The following NOTCH3 variants were observed in gnomAD, a reference collection of about 807,000 sequenced individuals.
The protein encoded by NOTCH3 is neurogenic locus notch homolog protein 3.
Under a neutral mutation model 213.3 loss-of-function variants are expected in NOTCH3, and 86 were observed. That is an observed-to-expected ratio of 0.40 (90% confidence interval 0.34 to 0.48). NOTCH3 has a LOEUF of 0.48. Ranked by LOEUF, NOTCH3 falls within the 20% of genes least tolerant of loss-of-function variation. The probability of loss-of-function intolerance (pLI) is 0.57; values close to 1 mark genes in which losing one functional copy is unlikely to be tolerated. For missense variants in NOTCH3, 2,783 were observed against 3,272.6 expected, an observed-to-expected ratio of 0.85 and a Z score of 3.65; for synonymous variants, 1,354 against 1,355.9, an observed-to-expected ratio of 1.00 and a Z score of 0.03.
intron 25 of NOTCH3, among the ~76,000 whole-genome samples, chr19:15,171,765 G>C (rs2046736818): frequency 6.6e-6 from 1 of 152,220 alleles, no homozygotes; most frequent in African/African-American, 2.4e-5. Context: ...CCGACTCCCT[G>C]GTTCAAGTGA....
intron 24 of NOTCH3, among the ~76,000 whole-genome samples, chr19:15,175,548 A>T (rs1275272550): frequency 1.7e-5 from 1 of 58,912 alleles, no homozygotes; most frequent in Non-Finnish European, 3.7e-5. Flanking sequence ...AAAAAAAAAA[A>T]AAAAATACAT....
intron 2 of NOTCH3, among the ~76,000 whole-genome samples, chr19:15,195,931 T>C (rs1030593531): frequency 8.5e-5 from 12 of 141,684 alleles, no homozygotes; most frequent in Non-Finnish European, 4.6e-5. Flanking sequence ...AGCGCAGACC[T>C]AGTTAGGGGG....
chr19:15,167,927 G>A (rs1162027233), intron 28 of NOTCH3, among the ~76,000 whole-genome samples: 1 of 145,846 alleles, frequency 6.9e-6, no homozygotes, highest in Non-Finnish European at 1.5e-5. Context: ...GTAATAAATG[G>A]CTTTAATTAT....
rs929970173 is a variant in NOTCH3, at chr19:15,167,185, G to T, written c.5362+64C>A. ...CAGTTCTCCCCAAAACACAGAGTCA[G>T]AAATAACCTCTCACAGGTAGGATGG... is the stretch of plus-strand genomic sequence containing the variant. On this transcript the variant is annotated intron_variant, in intron 29 of 32. Coordinates refer to ENST00000263388, the MANE Select transcript of NOTCH3 (RefSeq NM_000435.3). 29 of 1,558,866 alleles carry T rather than the reference G, an allele frequency of 1.9e-5. No homozygotes were observed. The Admixed American group carries it at 3.2e-4, about 17-fold the overall frequency.
chr19:15,177,071 TAAAAA>T (rs776950725), intron 24 of NOTCH3, among the ~76,000 whole-genome samples: 15 of 79,144 alleles, frequency 1.9e-4, no homozygotes, highest in East Asian at 9.3e-4. Flanking sequence ...GACTCCGTCT[TAAAAA>T]AAAAAAAAAA....
intron 26 of NOTCH3, 37 bp from the exon 27 acceptor site, chr19:15,170,590 G>A (rs1025152267): frequency 3.3e-5 from 52 of 1,593,984 alleles, no homozygotes; most frequent in Non-Finnish European, 4.1e-5. Context: ...CTTCAGCCGA[G>A]GGCGGGGCTT....
At chr19:15,173,459 A>G (rs1293201922) in intron 25 of NOTCH3, among the ~76,000 whole-genome samples, 2 of 134,456 alleles carry the variant, frequency 1.5e-5, no homozygotes, top group African/African-American at 5.5e-5. Flanking sequence ...GAGAGATGGG[A>G]GTCTTGCTAT....
In NOTCH3 at chr19:15,165,344, G is replaced by T. The variant is rs2046676721; in HGVS notation, c.5815+24C>A. The T allele has an allele frequency of 6.2e-7, 1 of 1,601,802 alleles. No homozygotes were observed. Among genetic ancestry groups the T allele is most frequent in the South Asian group, 1.1e-5 (1 of 91,068 alleles). On this transcript the variant is annotated intron_variant, in intron 31 of 32. Coordinates refer to ENST00000263388, the MANE Select transcript of NOTCH3 (RefSeq NM_000435.3). This position sits in a 1 kb window ranked among gnomAD's most constrained non-coding sequence, Gnocchi z 4.7. ...GCCCAGGTGACACCAACCCAGCTTA[G>T]ACTTGATTCCTCTGCCAACCTACCA...
In NOTCH3 at chr19:15,178,854, C is replaced by A. The variant is rs781401262; in HGVS notation, c.3806G>T (p.Gly1269Val). 1.4e-4 allele frequency: 224 copies of A among 1,602,954 alleles called. 1 individual carries two copies. The highest frequency in any genetic ancestry group is 1.8e-4 in the Non-Finnish European group (209 of 1,174,920). ...ACAGTGACAGGTGAAGGTCAGCCCA[C>A]CCCCAGGACCCGGGCTAGGACGGCA... The part of the protein sequence containing the change: ...GQCRPSPGPG[G>V]GLTFTCHCAQ... The change falls in exon 23 of 33, where the codon GGT becomes GTT. Residue 1269 changes from glycine (G) to valine (V), a missense_variant. Around this residue, in one of 6 missense-constraint regions of NOTCH3, gnomAD observed 861 missense variants for 909.1 expected, o/e 0.95. Coordinates refer to ENST00000263388, the MANE Select transcript of NOTCH3 (RefSeq NM_000435.3).
chr19:15,169,498 T>G (rs2046713318), intron 28 of NOTCH3, among the ~76,000 whole-genome samples: 1 of 152,040 alleles, frequency 6.6e-6, no homozygotes, highest in African/African-American at 2.4e-5. Flanking sequence ...GCCTCCCAAG[T>G]AGCTGGGATT....
At position 15,159,677 on chromosome 19, in the gene NOTCH3, GCTGTA is replaced by G; in HGVS notation, c.*980_*984del. On this transcript the variant is annotated 3_prime_UTR_variant, in exon 33 of 33. Coordinates refer to ENST00000263388, the MANE Select transcript of NOTCH3 (RefSeq NM_000435.3). ...TATTAGGTGGTGAGGGGAGTGGGGG[GCTGTA>G]CAATGCAGGGCTTGGGAATTCAGCT... The G allele has an allele frequency of 4.3e-6, 1 of 232,754 alleles. No homozygotes were observed. Among genetic ancestry groups the G allele is most frequent in the Non-Finnish European group, 8.5e-6 (1 of 117,722 alleles). 14.4% of individuals were successfully genotyped at this position (232,754 alleles called of 1,614,324 possible).
chr19:15,164,422 T>C (rs957742930), intron 31 of NOTCH3, among the ~76,000 whole-genome samples: 3 of 151,552 alleles, frequency 2.0e-5, no homozygotes, highest in African/African-American at 7.3e-5. Context: ...GCACCTTTAG[T>C]CCCAGACACT....
At chr19:15,200,733 T>C in intron 1 of NOTCH3, 55 bp downstream of exon 1, 1 of 1,202,066 alleles carries the variant, frequency 8.3e-7, no homozygotes, top group South Asian at 3.6e-5. Flanking sequence ...CCTTGGGGGT[T>C]CTTGCACTCC....
chr19:15,180,288 G>C (rs2145420854), intron 19 of NOTCH3, 32 bp from the exon 20 acceptor site: 2 of 1,610,546 alleles, frequency 1.2e-6, no homozygotes, highest in Non-Finnish European at 1.7e-6. Flanking sequence ...AGGAACAGAG[G>C]TAACCCCATA....
Position 15,187,353 on chromosome 19 carries a change from G to C in NOTCH3, c.1607-15C>G. The C allele has an allele frequency of 6.2e-7, 1 of 1,609,658 alleles. No individual in the cohort carries two copies. On this transcript the variant is annotated splice_polypyrimidine_tract_variant and intron_variant, in intron 10 of 32. Coordinates refer to ENST00000263388, the MANE Select transcript of NOTCH3 (RefSeq NM_000435.3). Reference sequence around the variant, plus strand: ...GCCCTCAAAGCCTGTGGGGCCAAGAGGGTCAGGCTCCGCCCACTTGCCAGG... The same window carrying C: ...GCCCTCAAAGCCTGTGGGGCCAAGACGGTCAGGCTCCGCCCACTTGCCAGG...
chr19:15,181,244 G>T, intron 17 of NOTCH3, 82 bp from the exon 18 acceptor site: 2 of 1,280,188 alleles, frequency 1.6e-6, no homozygotes, highest in South Asian at 1.3e-5. Flanking sequence ...CGCTGTTAGC[G>T]CTGGGGACGT....
chr19:15,160,645 A>G lies in NOTCH3; in HGVS notation c.*17T>C, dbSNP rs753838006. 5 of 1,604,610 alleles carry G rather than the reference A, an allele frequency of 3.1e-6. No homozygotes were observed. The highest frequency in any genetic ancestry group is 3.4e-6 in the Non-Finnish European group (4 of 1,171,268). The stretch of plus-strand genomic sequence containing the variant: ...GGGTCTCTTTAGGCCCCCAAGATCT[A>G]AGAACTGACGAGCGTCTCAGGCCAA... On this transcript the variant is annotated 3_prime_UTR_variant, in exon 33 of 33. Transcript: ENST00000263388.
chr19:15,186,750 A>T, intron 12 of NOTCH3, 128 bp downstream of exon 12: 1 of 796,336 alleles, frequency 1.3e-6, no homozygotes, highest in Non-Finnish European at 2.2e-6. Flanking sequence ...GACAGCACAG[A>T]CTCAGGGCAA....
intron 25 of NOTCH3, among the ~76,000 whole-genome samples, chr19:15,171,096 G>A (rs547950422): frequency 2.0e-5 from 3 of 152,040 alleles, no homozygotes; most frequent in African/African-American, 7.2e-5. Context: ...GTGCGATCTC[G>A]GCTCACTGCA....
Sources: allele counts gnomAD v4.1 joint callset (sites outside exome capture counted in the v4.1 genomes callset), GRCh38; gene constraint gnomAD v4.1.1; regional missense constraint gnomAD v4.1.1; non-coding constraint Gnocchi (gnomAD v3.1); transcripts MANE v1.5; gene names NCBI Gene and HGNC (gene_info 2026-07-23, HGNC 2026-07-21).